CASTOR1: variants seen among roughly 807,000 people sequenced by gnomAD.
The protein encoded by CASTOR1 is GATS protein like 3.
In CASTOR1, 18 loss-of-function variants were observed where a neutral mutation model predicts 33.7. That is an observed-to-expected ratio of 0.53 (90% CI 0.37 to 0.79). The LOEUF (loss-of-function observed/expected upper bound fraction) is 0.79, where lower values mean the gene tolerates loss of function less well. Among genes scored for constraint, CASTOR1 ranks in the 30% least tolerant of loss-of-function variants. The pLI, the probability that CASTOR1 is intolerant of heterozygous loss-of-function variation, is 0.00. For synonymous variants in CASTOR1, 175 were observed against 190.6 expected, an observed-to-expected ratio of 0.92 and a Z score of 0.67; for missense variants, 362 against 446.3, an observed-to-expected ratio of 0.81 and a Z score of 1.70.
chr22:30,288,882 G>T (rs1485528003), intron 1 of CASTOR1, 106 bp from the exon 2 acceptor site: 2 of 846,108 alleles, frequency 2.4e-6, no homozygotes, highest in Non-Finnish European at 3.6e-6. Context: ...TGGGCCGGGC[G>T]CCTTCTTGCC....
At chr22:30,286,550 G>A in intron 5 of CASTOR1, 174 bp from the exon 6 acceptor site, 1 of 660,094 alleles carries the variant, frequency 1.5e-6, no homozygotes. Context: ...TGGGGATGGG[G>A]GAGGACAATG....
rs1341863741 is a variant in CASTOR1, at chr22:30,286,359, G to C, written c.647C>G (p.Ala216Gly). 5 of 1,613,464 alleles carry C rather than the reference G, an allele frequency of 3.1e-6. No homozygotes were observed. Among genetic ancestry groups the C allele is most frequent in the East Asian group, 2.2e-5 (1 of 44,888 alleles). ...GGAGCTGGGTTCAGGACTGCTAGAGGCTGCCTCCTTGGGGGTGCTGGGGAG... is the reference window on the plus strand; with the variant it reads ...GGAGCTGGGTTCAGGACTGCTAGAGCCTGCCTCCTTGGGGGTGCTGGGGAG... ...FYSHSTPKEA[A>G]SSSPEPSSIT... The change falls in exon 6 of 9, where the codon GCC becomes GGC. Residue 216 changes from alanine (A) to glycine (G), a missense_variant. Physicochemically the swap from Ala to Gly is moderately conservative, Grantham distance 60. Coordinates refer to ENST00000407689, the MANE Select transcript of CASTOR1 (RefSeq NM_001037666.3).
Position 30,285,677 on chromosome 22 carries a change from G to GACCTCGATGACGCTGCCGATACC in CASTOR1, c.932_933insGGTATCGGCAGCGTCATCGAGGT (p.Asp311GlufsTer54), listed in dbSNP as rs1569155709. ...GGACCTCGATGACGCTGCCGATACCGTCCTCGGGCACCTGAGGGCAGGTGG... is the reference window on the plus strand; with the variant it reads ...GGACCTCGATGACGCTGCCGATACCGACCTCGATGACGCTGCCGATACCTCCTCGGGCACCTGAGGGCAGGTGG... On this transcript the variant is annotated frameshift_variant, in exon 9 of 9. Coordinates refer to ENST00000407689, the MANE Select transcript of CASTOR1 (RefSeq NM_001037666.3). LOFTEE classifies it high-confidence loss of function. The GACCTCGATGACGCTGCCGATACC allele has an allele frequency of 3.8e-6, 6 of 1,567,444 alleles. No individual in the cohort carries two copies. The highest frequency in any genetic ancestry group is 5.2e-6 in the Non-Finnish European group (6 of 1,156,476).
chr22:30,286,810 A>T lies in CASTOR1; in HGVS notation c.629+15T>A. 1 of 1,613,944 alleles carries T rather than the reference A, an allele frequency of 6.2e-7. No homozygotes were observed. The highest frequency in any genetic ancestry group is 8.5e-7 in the Non-Finnish European group (1 of 1,179,954). On this transcript the variant is annotated intron_variant, in intron 5 of 8. Transcript: ENST00000407689. Reference sequence around the variant, plus strand: ...AACAGTGCTGTGAGGACAAAGACGAAGTTCCAAGGTCCACCTGTGCGAGTA... The same window carrying T: ...AACAGTGCTGTGAGGACAAAGACGATGTTCCAAGGTCCACCTGTGCGAGTA...
intron 5 of CASTOR1, 98 bp from the exon 6 acceptor site, chr22:30,286,474 G>C: frequency 1.2e-6 from 1 of 863,826 alleles, no homozygotes; most frequent in Non-Finnish European, 1.9e-6. Flanking sequence ...AGCTGGTATG[G>C]TGGCCTGGGC....
At chr22:30,285,715 G>T (rs751234614) in intron 8 of CASTOR1, 27 bp from the exon 9 acceptor site, 1 of 1,548,604 alleles carries the variant, frequency 6.5e-7, no homozygotes, top group South Asian at 1.2e-5. Flanking sequence ...AGGAGGGAAG[G>T]GTCAAGGCGG....
chr22:30,285,909 C>T lies in CASTOR1; in HGVS notation c.844G>A (p.Ala282Thr). ...PLGFDECGIV[A>T]QIAGPLAAAD... ...GCAGCCAGGGGACCTGCAATCTGTG[C>T]CACGATGCCACATTCATCTGAGGGT... The change falls in exon 8 of 9, where the codon GCA becomes ACA. Residue 282 changes from alanine (A) to threonine (T), a missense_variant. Ala to Thr is a moderately conservative substitution (Grantham distance 58, BLOSUM62 0). Coordinates refer to ENST00000407689, the MANE Select transcript of CASTOR1 (RefSeq NM_001037666.3). 6.2e-7 allele frequency: 1 copy of T among 1,607,914 alleles called. No homozygotes were observed. The highest frequency in any genetic ancestry group is 1.1e-5 in the South Asian group (1 of 89,768).
In CASTOR1 at chr22:30,286,940, G is replaced by A; in HGVS notation, c.514C>T (p.Pro172Ser). The change falls in exon 5 of 9, where the codon CCC becomes TCC. Residue 172 changes from proline (P) to serine (S), a missense_variant. Physicochemically the swap from Pro to Ser is moderately conservative, Grantham distance 74. Coordinates refer to ENST00000407689, the MANE Select transcript of CASTOR1 (RefSeq NM_001037666.3). ...GGGCTCTGGATGGGATGCACCGTGG[G>A]GCTGGGCCCTGCTGGAGGACAGCAG... Reference protein sequence around the residue: ...GFPRTQHGPSPTVHPIQSPQN... With the variant: ...GFPRTQHGPSSTVHPIQSPQN... 1.9e-6 allele frequency: 3 copies of A among 1,611,894 alleles called. No homozygotes were observed. The highest frequency in any genetic ancestry group is 2.5e-6 in the Non-Finnish European group (3 of 1,178,400).
intron 1 of CASTOR1, 35 bp from the exon 2 acceptor site, chr22:30,288,811 T>G: frequency 2.5e-6 from 4 of 1,578,548 alleles, no homozygotes; most frequent in Non-Finnish European, 3.5e-6. Context: ...CAGCTTGGTG[T>G]GGAGAACTAG....
rs767247380 is a variant in CASTOR1, at chr22:30,286,333, T to C, written c.673A>G (p.Ile225Val). Reference protein sequence around the residue: ...AASSSPEPSSITFFAFSLIEG... With the variant: ...AASSSPEPSSVTFFAFSLIEG... ...ATGAGGGAGAAGGCAAAGAACGTGA[T>C]GGAGCTGGGTTCAGGACTGCTAGAG... Residue 225 changes from isoleucine (I) to valine (V), a missense_variant, in exon 6 of 9, where the codon ATC becomes GTC. Ile to Val is a conservative substitution (Grantham distance 29, BLOSUM62 3). Coordinates refer to ENST00000407689, the MANE Select transcript of CASTOR1 (RefSeq NM_001037666.3). 4 of 1,614,120 alleles carry C rather than the reference T, an allele frequency of 2.5e-6. No individual in the cohort carries two copies. In the South Asian group the frequency reaches 3.3e-5, roughly 13 times the overall value.
intron 1 of CASTOR1, chr22:30,289,125 AGG>A (rs1277036926): frequency 1.8e-6 from 1 of 566,822 alleles, no homozygotes; most frequent in East Asian, 3.2e-5. Flanking sequence ...GTGACCAGGT[AGG>A]AATGCCCCCA....
At chr22:30,289,246 G>A (rs1929870419) in intron 1 of CASTOR1, 139 bp downstream of exon 1, 2 of 674,986 alleles carry the variant, frequency 3.0e-6, no homozygotes, top group Admixed American at 5.5e-5. Flanking sequence ...CCGGATGGCG[G>A]CCGGACGGGG....
In CASTOR1 at chr22:30,289,470, C is replaced by T. The variant is rs1281818781; in HGVS notation, c.28G>A (p.Val10Met). 3 of 1,597,628 alleles carry T rather than the reference C, an allele frequency of 1.9e-6. No individual in the cohort carries two copies. Among genetic ancestry groups the T allele is most frequent in the Non-Finnish European group, 2.6e-6 (3 of 1,176,198 alleles). The change falls in exon 1 of 9, where the codon GTG becomes ATG. Residue 10 changes from valine (V) to methionine (M), a missense_variant. Transcript: ENST00000407689. MELHILEHR[V>M]RVLSVARPGL... ...GGACGGGCGACGCTCAGCACCCGCA[C>T]CCGGTGTTCTAGGATGTGCAGCTCC...
intron 2 of CASTOR1, 68 bp from the exon 3 acceptor site, chr22:30,287,628 T>C: frequency 6.9e-7 from 1 of 1,446,960 alleles, no homozygotes; most frequent in Non-Finnish European, 9.3e-7. Context: ...GAGCCTCAGT[T>C]TCCCTTTCTG....
Position 30,285,674 on chromosome 22 carries a change from A to T in CASTOR1, c.936T>A (p.Gly312=). 6.4e-7 allele frequency: 1 copy of T among 1,568,378 alleles called. No homozygotes were observed. Among genetic ancestry groups the T allele is most frequent in the Non-Finnish European group, 8.6e-7 (1 of 1,157,184 alleles). Residue 312 remains glycine (G), a synonymous_variant, in exon 9 of 9, where the codon GGT becomes GGA. Transcript: ENST00000407689. The part of the protein sequence containing the change: ...NFDHALVPED[G]IGSVIEVLQR... The stretch of plus-strand genomic sequence containing the variant: ...GGAGGACCTCGATGACGCTGCCGAT[A>T]CCGTCCTCGGGCACCTGAGGGCAGG...
chr22:30,286,215 T>G (rs1569155922), intron 6 of CASTOR1, 48 bp downstream of exon 6: 1 of 1,479,536 alleles, frequency 6.8e-7, no homozygotes, highest in Non-Finnish European at 9.4e-7. Context: ...CCTCCCTGCC[T>G]GGGACTGGCT....
chr22:30,289,281 C>T, intron 1 of CASTOR1, 104 bp downstream of exon 1: 1 of 898,158 alleles, frequency 1.1e-6, no homozygotes, highest in East Asian at 2.9e-5. Context: ...CCGCTCCCGC[C>T]CGCCTGCCTG....
rs570156554 is a variant in CASTOR1, at chr22:30,289,286, T to C, written c.113+99A>G. The C allele has an allele frequency of 8.0e-5, 73 of 909,262 alleles. No homozygotes were observed. In the East Asian group the frequency reaches 1.7e-3, roughly 21 times the overall value. 56.3% of individuals were successfully genotyped at this position (909,262 alleles called of 1,614,324 possible). On this transcript the variant is annotated intron_variant, in intron 1 of 8. Transcript: ENST00000407689. ...TCCTCCCCACCCGCTCCCGCCCGCCTGCCTGCCTGCCTTACGGCGATCCTA... is the reference window on the plus strand; with the variant it reads ...TCCTCCCCACCCGCTCCCGCCCGCCCGCCTGCCTGCCTTACGGCGATCCTA...
chr22:30,289,056 GA>G, intron 1 of CASTOR1: 1 of 557,598 alleles, frequency 1.8e-6, no homozygotes, highest in East Asian at 3.2e-5. Context: ...TCGGACCTTG[GA>G]CCCCCTAGTC....
Sources: gnomAD v4.1 joint callset for allele counts on GRCh38, gnomAD v4.1.1 for gene constraint, MANE v1.5 for transcripts, NCBI Gene and HGNC (gene_info 2026-07-23, HGNC 2026-07-21) for gene names.